The following CTNNBIP1 variants were observed in gnomAD, a reference collection of about 807,000 sequenced individuals.
CTNNBIP1 encodes the protein beta-catenin-interacting protein 1.
In CTNNBIP1, 7 loss-of-function variants were observed where a neutral mutation model predicts 11.8. The observed-to-expected ratio is 0.60, with a 90% CI of 0.34 to 1.12. The LOEUF (loss-of-function observed/expected upper bound fraction) is 1.12, where lower values mean the gene tolerates loss of function less well. Ranked by LOEUF, CTNNBIP1 falls within the 50% of genes most tolerant of loss-of-function variation. CTNNBIP1 has a pLI of 0.03. For missense variants in CTNNBIP1, 101 were observed against 113.4 expected (o/e 0.89, Z 0.50); for synonymous variants, 58 against 43.9 (o/e 1.32, Z -1.26).
intron 5 of CTNNBIP1, among the ~76,000 whole-genome samples, chr1:9,868,050 C>T (rs1418418851): frequency 6.6e-6 from 1 of 152,186 alleles, no homozygotes; most frequent in Non-Finnish European, 1.5e-5. Flanking sequence ...GCTTATGAAA[C>T]TCTTCCAGAC....
Position 9,850,677 on chromosome 1 carries a change from T to G in CTNNBIP1, c.*41A>C. 1 of 1,592,468 alleles carries G rather than the reference T, an allele frequency of 6.3e-7. No homozygotes were observed. The highest frequency in any genetic ancestry group is 8.6e-7 in the Non-Finnish European group (1 of 1,160,408). ...CGGCCCAGGAGCCACACAGATCTCT[T>G]GGCCCTCAACAGCATCCAGGGTGTT... On this transcript the variant is annotated 3_prime_UTR_variant, in exon 6 of 6. Transcript: ENST00000377263.
chr1:9,901,577 G>T (rs545789272), intron 1 of CTNNBIP1, among the ~76,000 whole-genome samples: 3 of 152,198 alleles, frequency 2.0e-5, no homozygotes, highest in African/African-American at 4.8e-5. Context: ...TAGACACTTG[G>T]GTGCTACTCG....
At chr1:9,903,531 G>C (rs1432761567) in intron 1 of CTNNBIP1, among the ~76,000 whole-genome samples, 1 of 152,202 alleles carries the variant, frequency 6.6e-6, no homozygotes, top group Admixed American at 6.5e-5. Context: ...AAGGCTTCAT[G>C]GAAGACCAGA....
At chr1:9,900,366 A>G (rs1434762211) in intron 1 of CTNNBIP1, among the ~76,000 whole-genome samples, 1 of 152,106 alleles carries the variant, frequency 6.6e-6, no homozygotes, top group Non-Finnish European at 1.5e-5. Context: ...GTGTCACCAC[A>G]CTCCAGCCTG....
chr1:9,906,144 C>T (rs980556578), intron 1 of CTNNBIP1, among the ~76,000 whole-genome samples: 1 of 152,154 alleles, frequency 6.6e-6, no homozygotes, highest in African/African-American at 2.4e-5. Context: ...TACTATTGTG[C>T]ATATGGGGAA....
chr1:9,850,571 T>C lies in CTNNBIP1; in HGVS notation c.*147A>G, dbSNP rs1481957661. 1.5e-6 allele frequency: 1 copy of C among 686,280 alleles called. No individual in the cohort carries two copies. The highest frequency in any genetic ancestry group is 2.7e-6 in the Non-Finnish European group (1 of 375,682). 42.5% of individuals were successfully genotyped at this position (686,280 alleles called of 1,614,324 possible). A position where few individuals can be genotyped will look rare whatever the true frequency, so the allele number is the denominator to read the frequency against. ...CTCCCTTGATGCCAGCCCCACTGAG[T>C]AGCTGTGAGGTGGGGTGGGGCAGGG... On this transcript the variant is annotated 3_prime_UTR_variant, in exon 6 of 6. Coordinates refer to ENST00000377263, the MANE Select transcript of CTNNBIP1 (RefSeq NM_020248.3).
At chr1:9,853,618 G>A (rs1394154852) in intron 5 of CTNNBIP1, among the ~76,000 whole-genome samples, 1 of 152,178 alleles carries the variant, frequency 6.6e-6, no homozygotes, top group Non-Finnish European at 1.5e-5. Flanking sequence ...ACTGCCTCCA[G>A]GCTGCCAGCT....
At chr1:9,850,907 C>A (rs1446674076) in intron 5 of CTNNBIP1, 131 bp from the exon 6 acceptor site, 1 of 833,880 alleles carries the variant, frequency 1.2e-6, no homozygotes, top group Non-Finnish European at 2.1e-6. Context: ...GGACAAAGTA[C>A]TTCCGAGGAA....
chr1:9,906,254 T>C (rs1034160506), intron 1 of CTNNBIP1, among the ~76,000 whole-genome samples: 2 of 152,002 alleles, frequency 1.3e-5, no homozygotes, highest in African/African-American at 4.8e-5. Context: ...AAGTCCATGG[T>C]CTAATTAAGA....
intron 5 of CTNNBIP1, among the ~76,000 whole-genome samples, chr1:9,858,648 CCT>C (rs1638559944): frequency 6.6e-6 from 1 of 152,166 alleles, no homozygotes; most frequent in Non-Finnish European, 1.5e-5. Context: ...TCTTCAGCAC[CCT>C]CAGTGCTACC....
intron 1 of CTNNBIP1, among the ~76,000 whole-genome samples, chr1:9,884,260 G>C (rs1455517199): frequency 6.6e-6 from 1 of 152,156 alleles, no homozygotes; most frequent in Non-Finnish European, 1.5e-5. Flanking sequence ...CCAGCCCACA[G>C]CAGGGAGGGA....
intron 1 of CTNNBIP1, among the ~76,000 whole-genome samples, chr1:9,904,640 T>G (rs1409534321): frequency 6.6e-6 from 1 of 152,160 alleles, no homozygotes; most frequent in Non-Finnish European, 1.5e-5. Context: ...GTAGGAAAGC[T>G]GTCCAGTCAA....
intron 1 of CTNNBIP1, among the ~76,000 whole-genome samples, chr1:9,890,467 G>C (rs1639278530): frequency 6.6e-6 from 1 of 152,152 alleles, no homozygotes; most frequent in Non-Finnish European, 1.5e-5. Flanking sequence ...TGGAGCCCTG[G>C]AACCTGGCCA....
rs1219403893 is a variant in CTNNBIP1 at position 9,867,123 on chromosome 1, C to T, written c.187+4064G>A. Among the ~76,000 whole-genome samples, 1 of 152,108 alleles carries T rather than the reference C, an allele frequency of 6.6e-6. No homozygotes were observed. Among genetic ancestry groups the T allele is most frequent in the African/African-American group, 2.4e-5 (1 of 41,424 alleles). ...TGTGGAACAGGGAGAAGAGAGGGGG[C>T]AACCCTGGAGGATGACAGCCCTGAT... On this transcript the variant is annotated intron_variant, in intron 5 of 5. Transcript: ENST00000377263. This position sits in a 1 kb window ranked among gnomAD's most constrained non-coding sequence, Gnocchi z 4.6.
chr1:9,879,285 G>A (rs74987767), intron 2 of CTNNBIP1, among the ~76,000 whole-genome samples: 3,224 of 152,252 alleles, frequency 0.021, 53 homozygotes, highest in Non-Finnish European at 0.031. Context: ...TGTAGTGGGG[G>A]AAAGGCTGCC....
rs145607681 is a variant in CTNNBIP1 at position 9,873,990 on chromosome 1, C to T, written c.-24-1902G>A. ...CTGGGCTCAAGTGATCCTCCCACCTCATCCTCCCCAAAACAGATGATATCA... is the reference window on the plus strand; with the variant it reads ...CTGGGCTCAAGTGATCCTCCCACCTTATCCTCCCCAAAACAGATGATATCA... On this transcript the variant is annotated intron_variant, in intron 3 of 5. Transcript: ENST00000377263. Among the ~76,000 whole-genome samples, 211 of 152,250 alleles carry T rather than the reference C, an allele frequency of 1.4e-3. 1 individual carries two copies. Among genetic ancestry groups the T allele is most frequent in the African/African-American group, 4.8e-3 (200 of 41,534 alleles).
intron 1 of CTNNBIP1, among the ~76,000 whole-genome samples, chr1:9,891,019 G>A (rs909152582): frequency 6.6e-6 from 1 of 152,114 alleles, no homozygotes; most frequent in Non-Finnish European, 1.5e-5. Flanking sequence ...TTGACCTATG[G>A]AAGCTCCATC....
intron 1 of CTNNBIP1, among the ~76,000 whole-genome samples, chr1:9,893,692 CTTTG>C (rs757285081): frequency 2.0e-5 from 3 of 152,218 alleles, no homozygotes; most frequent in Non-Finnish European, 4.4e-5. Context: ...AGGATTAAGA[CTTTG>C]TTTAAGTCCC....
intron 5 of CTNNBIP1, among the ~76,000 whole-genome samples, chr1:9,870,651 C>T (rs1041016951): frequency 6.6e-6 from 1 of 152,224 alleles, no homozygotes; most frequent in African/African-American, 2.4e-5. Flanking sequence ...ACCATGCTGA[C>T]TTGTTGAGGT....
Sources: gnomAD v4.1 joint callset for allele counts (sites outside exome capture counted in the v4.1 genomes callset) on GRCh38, gnomAD v4.1.1 for gene constraint, Gnocchi (gnomAD v3.1) non-coding constraint, MANE v1.5 for transcripts, NCBI Gene and HGNC (gene_info 2026-07-23, HGNC 2026-07-21) for gene names.